The following SLC4A5 variants were observed in gnomAD, a reference collection of about 807,000 sequenced individuals.
SLC4A5 encodes the protein electrogenic sodium bicarbonate cotransporter 4.
SLC4A5 carries 96 observed loss-of-function variants against 120.4 expected under a neutral mutation model. The ratio of observed to expected loss-of-function variants is 0.80; its 90% CI spans 0.68 to 0.94. SLC4A5 has a LOEUF of 0.94. Ranked by LOEUF, SLC4A5 falls within the 40% of genes least tolerant of loss-of-function variation. SLC4A5 has a pLI of 0.00. For synonymous variants in SLC4A5, 550 were observed against 571.1 expected (o/e 0.96, Z 0.53); for missense variants, 1,259 against 1,459.5 (o/e 0.86, Z 2.24).
At chr2:74,280,748 G>A (rs893683868) in intron 8 of SLC4A5, among the ~76,000 whole-genome samples, 1 of 151,410 alleles carries the variant, frequency 6.6e-6, no homozygotes, top group Admixed American at 6.6e-5. Flanking sequence ...GCAATGGCAC[G>A]ATCTCGGCTC....
chr2:74,250,330 G>A lies in SLC4A5; in HGVS notation c.1653+13C>T, dbSNP rs186859008. ...ATCTTACTTTTACACTCAGGGCACC[G>A]GCTCGCACACACCTGATAATTGTCG... On this transcript the variant is annotated intron_variant, in intron 17 of 30. Transcript: ENST00000394019. 170 of 1,613,056 alleles carry A rather than the reference G, an allele frequency of 1.1e-4. No homozygotes were observed. The African/African-American group carries it at 1.5e-3, about 14-fold the overall frequency.
At chr2:74,332,925 G>C (rs1573113500) in intron 4 of SLC4A5, among the ~76,000 whole-genome samples, 2 of 152,114 alleles carry the variant, frequency 1.3e-5, no homozygotes, top group East Asian at 3.9e-4. Context: ...CCATGTTACA[G>C]CCAAGGACAT....
At chr2:74,223,486 T>A (rs74368861) in intron 28 of SLC4A5, among the ~76,000 whole-genome samples, 1 of 152,200 alleles carries the variant, frequency 6.6e-6, no homozygotes, top group Non-Finnish European at 1.5e-5. Flanking sequence ...CTTCCAGGAA[T>A]GTTACTCATC....
intron 22 of SLC4A5, among the ~76,000 whole-genome samples, chr2:74,234,429 G>T (rs772958902): frequency 1.3e-5 from 2 of 152,032 alleles, no homozygotes; most frequent in Non-Finnish European, 2.9e-5. Context: ...CGCCCACCTC[G>T]GCCTCCCAAA....
At chr2:74,290,715 A>G in intron 7 of SLC4A5, 3 of 984,468 alleles carry the variant, frequency 3.0e-6, no homozygotes, top group African/African-American at 1.8e-5. Context: ...TAGAGAGAGA[A>G]AGGCTCAGTG....
chr2:74,266,188 T>C (rs1444185172), intron 8 of SLC4A5, among the ~76,000 whole-genome samples: 1 of 152,158 alleles, frequency 6.6e-6, no homozygotes, highest in Non-Finnish European at 1.5e-5. Context: ...CTTCAGTAAT[T>C]AAAGCGGTGT....
intron 8 of SLC4A5, among the ~76,000 whole-genome samples, chr2:74,276,668 C>CTTCATTACTACAGGTATGAAAGACATA (rs3836183): frequency 0.33 from 49,324 of 150,072 alleles, 11,718 homozygotes; most frequent in East Asian, 0.74. Flanking sequence ...AAGTGTATAT[C>CTTCATTACTACAGGTATGAAAGACATA]TTCATTACTA....
intron 8 of SLC4A5, among the ~76,000 whole-genome samples, chr2:74,281,324 G>A (rs1228593881): frequency 6.6e-6 from 1 of 152,156 alleles, no homozygotes; most frequent in Non-Finnish European, 1.5e-5. Context: ...AACCCCAAAG[G>A]GCCCTCCACA....
exon 7 of SLC4A5, chr2:74,304,634 T>C (rs765173467): frequency 1.2e-6 from 2 of 1,613,962 alleles, no homozygotes; most frequent in African/African-American, 1.3e-5. Context: ...CAGTTTTTCT[T>C]TGAGGGTAAG....
rs369268833 is a variant in SLC4A5, at chr2:74,264,261, G to A, written c.601C>T (p.Arg201Trp). 1.4e-5 allele frequency: 22 copies of A among 1,614,026 alleles called. No individual in the cohort carries two copies. The highest frequency in any genetic ancestry group is 4.0e-5 in the African/African-American group (3 of 74,936). Reference sequence around the variant, plus strand: ...CTGACCCTCTCCCGGAGCTCTGGCCGCAGGAGACCATCCTCAATCTGCTTC... The same window carrying A: ...CTGACCCTCTCCCGGAGCTCTGGCCACAGGAGACCATCCTCAATCTGCTTC... Residue 201 changes from arginine to tryptophan, a missense_variant, in exon 10 of 31, where the codon CGG becomes TGG. Arg to Trp is a moderately radical substitution (Grantham distance 101). Transcript: ENST00000394019.
intron 4 of SLC4A5, among the ~76,000 whole-genome samples, chr2:74,329,779 G>A (rs1216398426): frequency 6.6e-6 from 1 of 152,004 alleles, no homozygotes; most frequent in Non-Finnish European, 1.5e-5. Flanking sequence ...TGGAGATGGT[G>A]AGGTGTATAT....
chr2:74,339,616 GA>G (rs1307174506), intron 2 of SLC4A5: 1 of 152,140 alleles, frequency 6.6e-6, no homozygotes, highest in African/African-American at 2.4e-5. Flanking sequence ...GGAACTCTAT[GA>G]CTTCTTGTAC....
At chr2:74,264,089 C>A in intron 10 of SLC4A5, 58 bp downstream of exon 10, 1 of 1,562,210 alleles carries the variant, frequency 6.4e-7, no homozygotes, top group Non-Finnish European at 8.7e-7. Context: ...CACCCGGGTA[C>A]CAGGGCCTGA....
intron 11 of SLC4A5, among the ~76,000 whole-genome samples, chr2:74,261,421 GC>G (rs1253637672): frequency 6.6e-6 from 1 of 152,206 alleles, no homozygotes; most frequent in Non-Finnish European, 1.5e-5. Flanking sequence ...GGGCTGCATT[GC>G]CCCCAAGTCA....
exon 31 of SLC4A5, chr2:74,218,261 T>G (rs1323159256): frequency 6.6e-6 from 1 of 151,348 alleles, no homozygotes; most frequent in Non-Finnish European, 1.5e-5. Context: ...ACATCTATAT[T>G]TAAATCTAAC....
intron 5 of SLC4A5, among the ~76,000 whole-genome samples, chr2:74,316,411 C>G (rs1027657765): frequency 4.7e-5 from 7 of 150,092 alleles, no homozygotes; most frequent in African/African-American, 1.7e-4. Flanking sequence ...CCCTCTTGGC[C>G]AAGGGGATCC....
At chr2:74,252,125 A>G in intron 16 of SLC4A5, 54 bp downstream of exon 16, 1 of 1,573,052 alleles carries the variant, frequency 6.4e-7, no homozygotes, top group Non-Finnish European at 8.7e-7. Flanking sequence ...AGGGCAGCTG[A>G]GAAGGGAGAA....
intron 14 of SLC4A5, among the ~76,000 whole-genome samples, chr2:74,253,540 A>G (rs548694924): frequency 6.6e-6 from 1 of 152,274 alleles, no homozygotes; most frequent in Admixed American, 6.5e-5. Context: ...CACTGTCTCC[A>G]GAGTGTGCTT....
At chr2:74,236,678 T>C (rs964575687) in intron 21 of SLC4A5, among the ~76,000 whole-genome samples, 2 of 152,276 alleles carry the variant, frequency 1.3e-5, no homozygotes, top group East Asian at 3.8e-4. Context: ...CTTCCTTTTC[T>C]ATAATATTCC....
Sources: allele counts gnomAD v4.1 joint callset (sites outside exome capture counted in the v4.1 genomes callset), GRCh38; gene constraint gnomAD v4.1.1; transcripts MANE v1.5; gene names NCBI Gene and HGNC (gene_info 2026-07-23, HGNC 2026-07-21).